Variants in PAPSS1 observed in about 807,000 individuals in gnomAD.
The protein encoded by PAPSS1 is 3'-phosphoadenosine 5'-phosphosulfate synthase 1.
Under a neutral mutation model 72.0 loss-of-function variants are expected in PAPSS1, and 50 were observed. The ratio of observed to expected loss-of-function variants is 0.69; its 90% CI spans 0.55 to 0.88. The LOEUF is 0.88. PAPSS1 is among the 40% of genes least tolerant of loss of function. The probability of loss-of-function intolerance (pLI) is 0.00; values close to 1 mark genes in which losing one functional copy is unlikely to be tolerated. For missense variants in PAPSS1, 657 were observed against 782.2 expected (o/e 0.84, Z 1.91); for synonymous variants, 261 against 263.6 (o/e 0.99, Z 0.09).
chr4:107,697,777 T>C (rs1002383769), intron 2 of PAPSS1, among the ~76,000 whole-genome samples: 2 of 152,142 alleles, frequency 1.3e-5, no homozygotes, highest in African/African-American at 2.4e-5. Context: ...TCCCCAAATA[T>C]TCATGTCCAC....
chr4:107,646,747 C>A (rs1341207553), intron 9 of PAPSS1, among the ~76,000 whole-genome samples: 1 of 152,114 alleles, frequency 6.6e-6, no homozygotes, highest in East Asian at 1.9e-4. Flanking sequence ...TGAGCAGAGC[C>A]CTAGGTACTA....
intron 5 of PAPSS1, among the ~76,000 whole-genome samples, chr4:107,674,748 C>T (rs1727590076): frequency 6.6e-6 from 1 of 151,706 alleles, no homozygotes; most frequent in African/African-American, 2.4e-5. Flanking sequence ...CAGCACCACA[C>T]CGCACTTACT....
chr4:107,683,920 G>T (rs991485305), intron 4 of PAPSS1, among the ~76,000 whole-genome samples: 5 of 151,850 alleles, frequency 3.3e-5, no homozygotes, highest in Admixed American at 6.6e-5. Context: ...CTATAATCAG[G>T]AACTCCAGCA....
rs536736769 is a variant in PAPSS1 at position 107,698,672 on chromosome 4, T to A, written c.175+2499A>T. 2.0e-5 allele frequency among the ~76,000 whole-genome samples: 3 copies of A among 152,288 alleles called. 1 individual carries two copies. The South Asian group carries it at 6.2e-4, about 32-fold the overall frequency. ...ACAGAAAAACCTAAACTGTAATTGA[T>A]GAATTAATTAAGGCTCAGTGTGGAC... On this transcript the variant is annotated intron_variant, in intron 2 of 11. Transcript: ENST00000265174.
At chr4:107,690,029 G>A (rs1722877204) in intron 3 of PAPSS1, among the ~76,000 whole-genome samples, 1 of 152,040 alleles carries the variant, frequency 6.6e-6, no homozygotes, top group South Asian at 2.1e-4. Flanking sequence ...TAGTCCCATT[G>A]CTGCTGCTTG....
At chr4:107,661,501 A>G (rs774323025) in intron 5 of PAPSS1, among the ~76,000 whole-genome samples, 1 of 152,204 alleles carries the variant, frequency 6.6e-6, no homozygotes, top group Non-Finnish European at 1.5e-5. Flanking sequence ...TATATTAGTC[A>G]ACTCTAAGAA....
chr4:107,641,637 T>C (rs4956115), intron 10 of PAPSS1, among the ~76,000 whole-genome samples: 35,294 of 152,162 alleles, frequency 0.23, 4,184 homozygotes, highest in East Asian at 0.37. Context: ...CAGCTATTCA[T>C]TGAGTGACAC....
At chr4:107,643,049 T>C (rs911630990) in intron 10 of PAPSS1, among the ~76,000 whole-genome samples, 1 of 152,096 alleles carries the variant, frequency 6.6e-6, no homozygotes, top group Non-Finnish European at 1.5e-5. Flanking sequence ...CAATATTGGG[T>C]AAAATCACAC....
chr4:107,683,905 C>G (rs1170313671), intron 4 of PAPSS1, among the ~76,000 whole-genome samples: 1 of 151,936 alleles, frequency 6.6e-6, no homozygotes, highest in Admixed American at 6.6e-5. Context: ...AAAAAATAAG[C>G]AACTCTATAA....
At chr4:107,668,722 C>T (rs1339780089) in intron 5 of PAPSS1, among the ~76,000 whole-genome samples, 1 of 152,072 alleles carries the variant, frequency 6.6e-6, no homozygotes. Flanking sequence ...CCTCAGCCTG[C>T]AGATGGCCAA....
chr4:107,698,029 C>T (rs927389358), intron 2 of PAPSS1, among the ~76,000 whole-genome samples: 14 of 152,180 alleles, frequency 9.2e-5, no homozygotes, highest in Non-Finnish European at 1.3e-4. Flanking sequence ...TCACCACAAA[C>T]TTAATTTCAA....
At chr4:107,662,918 C>A (rs1011015276) in intron 5 of PAPSS1, among the ~76,000 whole-genome samples, 3 of 152,106 alleles carry the variant, frequency 2.0e-5, no homozygotes, top group African/African-American at 7.2e-5. Flanking sequence ...AAGGACAATA[C>A]GATGTGCATT....
intron 5 of PAPSS1, among the ~76,000 whole-genome samples, chr4:107,670,644 T>A (rs980572344): frequency 1.3e-5 from 2 of 152,120 alleles, no homozygotes; most frequent in Non-Finnish European, 2.9e-5. Context: ...GCTCAAGAGA[T>A]CCTCGTGCCT....
rs775082474 is a variant in PAPSS1 at position 107,644,981 on chromosome 4, C to T, written c.1327G>A (p.Gly443Ser). Residue 443 changes from glycine to serine, a missense_variant, in exon 10 of 12, where the codon GGC becomes AGC. Coordinates refer to ENST00000265174, the MANE Select transcript of PAPSS1 (RefSeq NM_005443.5). ...AGGAGGAGGACAGGGCGCCGGTAGC[C>T]CCTCTCTAGAAGTTGCTTATGGGTA... is the stretch of plus-strand genomic sequence containing the variant. The part of the protein sequence containing the change: ...QDTHKQLLER[G>S]YRRPVLLLHP... 75 of 1,613,388 alleles carry T rather than the reference C, an allele frequency of 4.6e-5. No individual in the cohort carries two copies. In the South Asian group the frequency reaches 7.4e-4, roughly 16 times the overall value.
At chr4:107,696,576 GC>G (rs1723069546) in intron 2 of PAPSS1, among the ~76,000 whole-genome samples, 1 of 152,094 alleles carries the variant, frequency 6.6e-6, no homozygotes, top group Non-Finnish European at 1.5e-5. Context: ...GGAGGTGGAG[GC>G]CTCCCAGTGG....
At chr4:107,702,195 G>A (rs999760562) in intron 1 of PAPSS1, among the ~76,000 whole-genome samples, 3 of 152,142 alleles carry the variant, frequency 2.0e-5, no homozygotes, top group Non-Finnish European at 2.9e-5. Flanking sequence ...TACTGGGGAG[G>A]ATATGGAAAT....
At chr4:107,697,306 A>G (rs1723094858) in intron 2 of PAPSS1, among the ~76,000 whole-genome samples, 1 of 152,210 alleles carries the variant, frequency 6.6e-6, no homozygotes, top group African/African-American at 2.4e-5. Flanking sequence ...TACCTTCAAA[A>G]TGGTAAGCAA....
chr4:107,708,825 T>C (rs1456568331), intron 1 of PAPSS1, among the ~76,000 whole-genome samples: 3 of 152,230 alleles, frequency 2.0e-5, no homozygotes, highest in Non-Finnish European at 4.4e-5. Context: ...TTTACATATT[T>C]TAAGTTCAGC....
chr4:107,623,096 T>C (rs1380458936), intron 11 of PAPSS1, among the ~76,000 whole-genome samples: 2 of 152,226 alleles, frequency 1.3e-5, no homozygotes, highest in African/African-American at 4.8e-5. Context: ...GCCTACACAC[T>C]GACCTCCCTG....
Sources: gnomAD v4.1 joint callset for allele counts (sites outside exome capture counted in the v4.1 genomes callset) on GRCh38, gnomAD v4.1.1 for gene constraint, MANE v1.5 for transcripts, NCBI Gene and HGNC (gene_info 2026-07-23, HGNC 2026-07-21) for gene names.